Variants in ITGA6 observed in about 807,000 individuals in gnomAD.
ITGA6 encodes integrin subunit alpha 6, also known as integrin alpha-6.
Under a neutral mutation model 133.6 loss-of-function variants are expected in ITGA6, and 63 were observed. The observed-to-expected ratio is 0.47, with a 90% CI of 0.38 to 0.58. The LOEUF is 0.58. Ranked by LOEUF, ITGA6 falls within the 20% of genes least tolerant of loss-of-function variation. The pLI is 0.00. For missense variants in ITGA6, 1,068 were observed against 1,309.4 expected (o/e 0.82, Z 2.85); for synonymous variants, 434 against 482.0 (o/e 0.90, Z 1.30).
At chr2:172,469,562 G>C (rs1299084198) in intron 4 of ITGA6, among the ~76,000 whole-genome samples, 182 bp downstream of exon 4, 2 of 152,076 alleles carry the variant, frequency 1.3e-5, no homozygotes, top group African/African-American at 4.8e-5. Flanking sequence ...ATATGTTTTG[G>C]TGTTGACATT....
At chr2:172,497,232 G>A (rs1013322650) in intron 23 of ITGA6, among the ~76,000 whole-genome samples, 10 of 152,276 alleles carry the variant, frequency 6.6e-5, no homozygotes, top group African/African-American at 2.4e-4. Flanking sequence ...TAGGCCAGGT[G>A]AGGTGGCTCA....
At chr2:172,472,851 C>A (rs1686004435) in intron 5 of ITGA6, 1 of 1,611,918 alleles carries the variant, frequency 6.2e-7, no homozygotes, top group Non-Finnish European at 8.5e-7. Flanking sequence ...CCGGGAGCAG[C>A]CTGACACATT....
chr2:172,484,350 A>G (rs1277870998), intron 11 of ITGA6, among the ~76,000 whole-genome samples: 1 of 151,232 alleles, frequency 6.6e-6, no homozygotes, highest in East Asian at 1.9e-4. Context: ...TGTTCTAGAG[A>G]TCTTTCCCAG....
At chr2:172,465,290 C>T (rs191782143) in intron 1 of ITGA6, 45 of 566,640 alleles carry the variant, frequency 7.9e-5, no homozygotes, top group Admixed American at 6.9e-4. Context: ...AATGCTGATA[C>T]TATGAGAGAC....
chr2:172,450,877 T>TTATATATTTATATACAAATATATA lies in ITGA6; in HGVS notation c.183-14660_183-14637dup, dbSNP rs1553529368. On this transcript the variant is annotated intron_variant, in intron 1 of 25. Transcript: ENST00000684293. ...GTATTTATATAATATACAAATATAT[T>TTATATATTTATATACAAATATATA]TATATATTTATATACAAATATATAT... Among the ~76,000 whole-genome samples the TTATATATTTATATACAAATATATA allele has an allele frequency of 4.7e-3, 659 of 140,486 alleles. 6 individuals carry two copies. Among genetic ancestry groups the TTATATATTTATATACAAATATATA allele is most frequent in the African/African-American group, 0.018 (606 of 34,570 alleles). 92.2% of individuals were successfully genotyped at this position (140,486 alleles called of 152,430 possible).
chr2:172,452,775 A>G (rs570552984), intron 1 of ITGA6, among the ~76,000 whole-genome samples: 1 of 152,344 alleles, frequency 6.6e-6, no homozygotes, highest in East Asian at 1.9e-4. Flanking sequence ...TAACCGGGTA[A>G]GTTACAGATA....
rs141773046 is a variant in ITGA6 at position 172,449,545 on chromosome 2, G to A, written c.183-15994G>A. ...GAAAGATGGGACAGCTGACTTTCACGATCTCAGGTACTGATGAAGATTGTG... is the reference window on the plus strand; with the variant it reads ...GAAAGATGGGACAGCTGACTTTCACAATCTCAGGTACTGATGAAGATTGTG... On this transcript the variant is annotated intron_variant, in intron 1 of 25. Transcript: ENST00000684293. Among the ~76,000 whole-genome samples, 690 of 152,244 alleles carry A rather than the reference G, an allele frequency of 4.5e-3. 6 individuals are homozygous for A. The highest frequency in any genetic ancestry group is 0.015 in the African/African-American group (629 of 41,540).
intron 24 of ITGA6, 96 bp downstream of exon 24, chr2:172,498,196 C>A: frequency 1.6e-6 from 2 of 1,269,422 alleles, no homozygotes; most frequent in Non-Finnish European, 2.3e-6. Context: ...TTTTTCATTG[C>A]TTCCTTTTTT....
chr2:172,429,947 A>G (rs1321061049), intron 1 of ITGA6, among the ~76,000 whole-genome samples: 1 of 152,184 alleles, frequency 6.6e-6, no homozygotes, highest in Non-Finnish European at 1.5e-5. Context: ...TCAGTTGTCA[A>G]CCTTTGACAG....
intron 1 of ITGA6, among the ~76,000 whole-genome samples, chr2:172,435,684 C>T (rs1466831197): frequency 6.8e-5 from 9 of 132,026 alleles, no homozygotes; most frequent in Admixed American, 6.2e-4. Context: ...TGGAGTGTAG[C>T]GATGCGATTT....
intron 24 of ITGA6, among the ~76,000 whole-genome samples, chr2:172,500,250 A>G (rs1254277507): frequency 6.6e-6 from 1 of 152,112 alleles, no homozygotes; most frequent in Non-Finnish European, 1.5e-5. Context: ...GTGAAAAAAA[A>G]AAAAGTCCCT....
chr2:172,495,082 A>G (rs1277170684), intron 23 of ITGA6, among the ~76,000 whole-genome samples: 1 of 152,208 alleles, frequency 6.6e-6, no homozygotes, highest in Non-Finnish European at 1.5e-5. Context: ...AAATCCCTTC[A>G]TTGGGTGACT....
intron 1 of ITGA6, among the ~76,000 whole-genome samples, chr2:172,452,393 C>T (rs912029551): frequency 2.0e-4 from 30 of 152,108 alleles, no homozygotes; most frequent in African/African-American, 6.5e-4. Flanking sequence ...AAGCAACACA[C>T]GAGGCAGGAA....
At chr2:172,475,189 T>C in intron 7 of ITGA6, 67 bp downstream of exon 7, 2 of 1,088,424 alleles carry the variant, frequency 1.8e-6, no homozygotes, top group Non-Finnish European at 2.8e-6. Flanking sequence ...ATAGCGCTGC[T>C]GGGCACAGTG....
chr2:172,427,751 C>A lies in ITGA6; in HGVS notation c.-38C>A. On this transcript the variant is annotated 5_prime_UTR_variant, in exon 1 of 26. Transcript: ENST00000684293. ...GACCCAGCCCGGAGCGCAGGGCGGC[C>A]GCTGCAGGTCCCCGCTCCCCTCCCC... 20 of 1,532,480 alleles carry A rather than the reference C, an allele frequency of 1.3e-5. No individual in the cohort carries two copies. The highest frequency in any genetic ancestry group is 1.7e-5 in the Non-Finnish European group (19 of 1,140,038). 94.9% of individuals were successfully genotyped at this position (1,532,480 alleles called of 1,614,324 possible). A position where few individuals can be genotyped will look rare whatever the true frequency, so the allele number is the denominator to read the frequency against.
chr2:172,463,064 CCTGTGGTT>C lies in ITGA6; in HGVS notation c.183-2474_183-2467del, dbSNP rs200630587. Among the ~76,000 whole-genome samples, 290 of 152,298 alleles carry C rather than the reference CCTGTGGTT, an allele frequency of 1.9e-3. 6 individuals carry two copies. The East Asian group carries it at 0.033, about 18-fold the overall frequency. On this transcript the variant is annotated intron_variant, in intron 1 of 25. Coordinates refer to ENST00000684293, the MANE Select transcript of ITGA6 (RefSeq NM_000210.4). ...ACCATCCTCTCATTGCCTCTAGCTCCCTGTGGTTTCATGACCTCATGACCTGTTCACGG... is the reference window on the plus strand; with the variant it reads ...ACCATCCTCTCATTGCCTCTAGCTCCTCATGACCTCATGACCTGTTCACGG...
rs767272243 is a variant in ITGA6 at position 172,427,834 on chromosome 2, C to T, written c.46C>T (p.Leu16Phe). 1 of 1,604,378 alleles carries T rather than the reference C, an allele frequency of 6.2e-7. No homozygotes were observed. Among genetic ancestry groups the T allele is most frequent in the Non-Finnish European group, 8.5e-7 (1 of 1,176,256 alleles). Residue 16 changes from leucine to phenylalanine, a missense_variant, in exon 1 of 26, where the codon CTC (leucine) becomes TTC (phenylalanine). By Grantham distance (22) the Leu-to-Phe change is conservative. Around this residue, in one of 3 missense-constraint regions of ITGA6, gnomAD observed 142 missense variants for 145.3 expected, o/e 0.98. Coordinates refer to ENST00000684293, the MANE Select transcript of ITGA6 (RefSeq NM_000210.4). ...GTGCTTGCTCTACCTGTCGGCGGGG[C>T]TCCTGTCCCGGCTCGGCGCAGCCTT... is the stretch of plus-strand genomic sequence containing the variant. ...QLCLLYLSAG[L>F]LSRLGAAFNL...
chr2:172,467,684 A>G, intron 3 of ITGA6, 124 bp downstream of exon 3: 1 of 754,818 alleles, frequency 1.3e-6, no homozygotes, highest in Non-Finnish European at 2.3e-6. Context: ...TAAAGCAGGA[A>G]TGGATGTCAA....
chr2:172,432,655 A>G (rs1474425058), intron 1 of ITGA6, among the ~76,000 whole-genome samples: 1 of 152,214 alleles, frequency 6.6e-6, no homozygotes, highest in East Asian at 1.9e-4. Context: ...TTGATTTTTC[A>G]AAGGCGGGGG....
Sources: gnomAD v4.1 joint callset for allele counts (sites outside exome capture counted in the v4.1 genomes callset) on GRCh38, gnomAD v4.1.1 for gene constraint, gnomAD v4.1.1 regional missense constraint, MANE v1.5 for transcripts, NCBI Gene and HGNC (gene_info 2026-07-23, HGNC 2026-07-21) for gene names.